The following BAIAP2 variants were observed in gnomAD, a reference collection of about 807,000 sequenced individuals.
The protein encoded by BAIAP2 is BAR/IMD domain containing adaptor protein 2.
In BAIAP2, 18 loss-of-function variants were observed where a neutral mutation model predicts 63.0. The ratio of observed to expected loss-of-function variants is 0.29; its 90% CI spans 0.20 to 0.42. The LOEUF is 0.42. Among genes scored for constraint, BAIAP2 ranks in the 10% least tolerant of loss-of-function variants. The probability of loss-of-function intolerance (pLI) is 1.00; values close to 1 mark genes in which losing one functional copy is unlikely to be tolerated. For missense variants in BAIAP2, 610 were observed against 734.3 expected (o/e 0.83, Z 1.96); for synonymous variants, 386 against 307.6 (o/e 1.25, Z -2.67).
At chr17:81,110,910 G>A (rs776612948) in intron 13 of BAIAP2, 2 of 1,613,836 alleles carry the variant, frequency 1.2e-6, no homozygotes, top group East Asian at 2.2e-5. Context: ...GTGTTTCCTT[G>A]CAGCGCCGAT....
chr17:81,036,208 G>A (rs1292775650), intron 1 of BAIAP2, among the ~76,000 whole-genome samples: 2 of 150,440 alleles, frequency 1.3e-5, no homozygotes, highest in South Asian at 2.2e-4. Context: ...GCCTGAGCCC[G>A]GCAGCTGCCG....
intron 3 of BAIAP2, among the ~76,000 whole-genome samples, chr17:81,072,646 C>A (rs913630103): frequency 6.6e-6 from 1 of 152,208 alleles, no homozygotes; most frequent in East Asian, 1.9e-4. Context: ...GGGTCTTCAA[C>A]CTTTGCAGAC....
intron 10 of BAIAP2, 67 bp downstream of exon 10, chr17:81,104,782 C>G: frequency 6.9e-7 from 1 of 1,444,802 alleles, no homozygotes; most frequent in Non-Finnish European, 9.4e-7. Context: ...GGCAGCGACA[C>G]TCAAGTGCAC....
At position 81,106,896 on chromosome 17, in the gene BAIAP2, G is replaced by A. The variant is rs765380311; in HGVS notation, c.1489G>A (p.Ala497Thr). Residue 497 changes from alanine (A) to threonine (T), a missense_variant, in exon 12 of 14, where the codon GCC (alanine) becomes ACC (threonine). Coordinates refer to ENST00000428708, the MANE Select transcript of BAIAP2 (RefSeq NM_001144888.2). ...GAGGCCCTACAGTGTGGCCGTGCCC[G>A]CCTTCTCCCAGGTCAGTGGGCGGGG... ...KQRPYSVAVP[A>T]FSQGLDDYGA... The A allele has an allele frequency of 1.1e-5, 17 of 1,558,250 alleles. No individual in the cohort carries two copies. The highest frequency in any genetic ancestry group is 6.8e-5 in the African/African-American group (5 of 73,404).
chr17:81,035,153 G>C lies in BAIAP2; in HGVS notation c.-102G>C. The C allele has an allele frequency of 1.1e-6, 1 of 941,188 alleles. No individual in the cohort carries two copies. Among genetic ancestry groups the C allele is most frequent in the Non-Finnish European group, 1.5e-6 (1 of 684,360 alleles). The allele number at this position is 941,188 out of a possible 1,614,324, so 58.3% of individuals were successfully genotyped here. A position where few individuals can be genotyped will look rare whatever the true frequency, so the allele number is the denominator to read the frequency against. On this transcript the variant is annotated 5_prime_UTR_variant, in exon 1 of 14. Coordinates refer to ENST00000428708, the MANE Select transcript of BAIAP2 (RefSeq NM_001144888.2). ...GCCGCCGCCGGACGCCGGGCTCTGT[G>C]GTTCGGGTCCGCTTTCGTCTCCGTC...
chr17:81,116,249 G>C lies in BAIAP2; in HGVS notation c.*410G>C. ...CACCAGGTGTGATCTGTCCGCCCAA[G>C]GGCCAGAAGGCCGGGAGCACGGGGA... On this transcript the variant is annotated 3_prime_UTR_variant, in exon 14 of 14. Transcript: ENST00000428708. 1 of 1,612,648 alleles carries C rather than the reference G, an allele frequency of 6.2e-7. No homozygotes were observed. Among genetic ancestry groups the C allele is most frequent in the African/African-American group, 1.3e-5 (1 of 75,046 alleles).
intron 3 of BAIAP2, among the ~76,000 whole-genome samples, chr17:81,069,899 C>G (rs760109346): frequency 5.9e-5 from 9 of 152,200 alleles, no homozygotes; most frequent in Non-Finnish European, 1.2e-4. Flanking sequence ...TTTGGAGATG[C>G]ACTTGTTGTA....
intron 8 of BAIAP2, 77 bp downstream of exon 8, chr17:81,103,800 G>A (rs1200631386): frequency 2.5e-6 from 4 of 1,578,884 alleles, no homozygotes; most frequent in Non-Finnish European, 3.4e-6. Context: ...GGGCCGCCAG[G>A]GTGCAGAGTC....
intron 1 of BAIAP2, among the ~76,000 whole-genome samples, chr17:81,038,592 G>A (rs2046626068): frequency 6.6e-6 from 1 of 152,252 alleles, no homozygotes; most frequent in Non-Finnish European, 1.5e-5. Context: ...CCGCAGCCGT[G>A]CTTCGAGGAG....
rs940299021 is a variant in BAIAP2 at position 81,046,993 on chromosome 17, G to A, written c.55-6675G>A. The stretch of plus-strand genomic sequence containing the variant: ...TCGCGACAGAGGTGGAAGTGAGGGC[G>A]GTGGTCCAGTGGGCAACAGCGGCCT... On this transcript the variant is annotated intron_variant, in intron 1 of 13. Coordinates refer to ENST00000428708, the MANE Select transcript of BAIAP2 (RefSeq NM_001144888.2). This position sits in a 1 kb window ranked among gnomAD's most constrained non-coding sequence, Gnocchi z 4.5. Among the ~76,000 whole-genome samples, 9 of 152,164 alleles carry A rather than the reference G, an allele frequency of 5.9e-5. No individual in the cohort carries two copies. Among genetic ancestry groups the A allele is most frequent in the African/African-American group, 1.9e-4 (8 of 41,442 alleles).
chr17:81,098,408 ACTT>A (rs1466838475), intron 6 of BAIAP2, among the ~76,000 whole-genome samples: 1 of 142,100 alleles, frequency 7.0e-6, no homozygotes, highest in Non-Finnish European at 1.5e-5. Flanking sequence ...TGCTTGCACT[ACTT>A]CTTTTAAAGT....
At chr17:81,096,789 G>A (rs2057690686) in intron 6 of BAIAP2, among the ~76,000 whole-genome samples, 1 of 152,258 alleles carries the variant, frequency 6.6e-6, no homozygotes, top group African/African-American at 2.4e-5. Flanking sequence ...GGGTACCCCT[G>A]AATCTGGCTG....
chr17:81,039,329 C>G (rs1422977018), intron 1 of BAIAP2, among the ~76,000 whole-genome samples: 1 of 152,234 alleles, frequency 6.6e-6, no homozygotes, highest in Non-Finnish European at 1.5e-5. Flanking sequence ...GGTGTACAAC[C>G]CTTCTGCTGG....
chr17:81,047,996 C>T (rs1437261355), intron 1 of BAIAP2, among the ~76,000 whole-genome samples: 2 of 152,248 alleles, frequency 1.3e-5, no homozygotes, highest in African/African-American at 2.4e-5. Flanking sequence ...GGGGGACACT[C>T]TCTGTCAGCA....
At chr17:81,055,495 G>A (rs1189796343) in intron 2 of BAIAP2, among the ~76,000 whole-genome samples, 1 of 151,954 alleles carries the variant, frequency 6.6e-6, no homozygotes, top group Non-Finnish European at 1.5e-5. Context: ...CTGGGCCCGG[G>A]GTTGCACCCG....
At chr17:81,115,719 T>G (rs1391872355) in intron 13 of BAIAP2, 51 bp from the exon 14 acceptor site, 1 of 1,610,636 alleles carries the variant, frequency 6.2e-7, no homozygotes, top group Non-Finnish European at 8.5e-7. Context: ...GGTGGCACAA[T>G]TCACCCATGG....
chr17:81,085,130 TG>T, intron 4 of BAIAP2: 2 of 581,632 alleles, frequency 3.4e-6, no homozygotes, highest in Non-Finnish European at 6.2e-6. Context: ...CATGACACGC[TG>T]GGCTCCAGGG....
chr17:81,037,077 T>C (rs1369148256), intron 1 of BAIAP2: 2 of 876,486 alleles, frequency 2.3e-6, no homozygotes, highest in East Asian at 2.7e-5. Context: ...TATCTGCAGG[T>C]CTAAGTGAAA....
intron 3 of BAIAP2, among the ~76,000 whole-genome samples, chr17:81,070,970 C>T (rs1418683008): frequency 6.6e-6 from 1 of 152,212 alleles, no homozygotes; most frequent in African/African-American, 2.4e-5. Flanking sequence ...TCCCTCCACC[C>T]CCATGTCCAA....
Sources: allele counts gnomAD v4.1 joint callset (sites outside exome capture counted in the v4.1 genomes callset), GRCh38; gene constraint gnomAD v4.1.1; non-coding constraint Gnocchi (gnomAD v3.1); transcripts MANE v1.5; gene names NCBI Gene and HGNC (gene_info 2026-07-23, HGNC 2026-07-21).